Variants in AFMID observed in about 807,000 individuals in gnomAD.
AFMID encodes the protein arylformamidase.
AFMID carries 39 observed loss-of-function variants against 47.5 expected under a neutral mutation model. The ratio of observed to expected loss-of-function variants is 0.82; its 90% confidence interval spans 0.64 to 1.07. The LOEUF (loss-of-function observed/expected upper bound fraction) is 1.07. AFMID is among the 50% of genes least tolerant of loss of function. The pLI is 0.00. For missense variants in AFMID, 375 were observed against 387.5 expected, an observed-to-expected ratio of 0.97 and a Z score of 0.27; for synonymous variants, 130 against 153.2, an observed-to-expected ratio of 0.85 and a Z score of 1.12.
chr17:78,198,104 C>T (rs2076157066), intron 2 of AFMID, among the ~76,000 whole-genome samples: 1 of 152,050 alleles, frequency 6.6e-6, no homozygotes, highest in South Asian at 2.1e-4. Context: ...TGGCACACGC[C>T]TATAGTCTTA....
chr17:78,192,495 G>A (rs1355133275), intron 2 of AFMID: 2 of 370,682 alleles, frequency 5.4e-6, no homozygotes, highest in Non-Finnish European at 5.4e-6. Flanking sequence ...TGTATTTTTA[G>A]TAGAGATGGG....
intron 2 of AFMID, among the ~76,000 whole-genome samples, chr17:78,201,752 T>A (rs910561749): frequency 2.0e-5 from 3 of 151,684 alleles, no homozygotes; most frequent in Non-Finnish European, 4.4e-5. Flanking sequence ...TTTTTTTGAG[T>A]TGGCGTCTCG....
In AFMID at chr17:78,190,910, G is replaced by A. The variant is rs1441598946; in HGVS notation, c.64-60G>A. The stretch of plus-strand genomic sequence containing the variant: ...AGGAGCAGCCGGGCATGGGCGAGGG[G>A]GAGGGGCACACTCTGTTGAGAAGGA... On this transcript the variant is annotated intron_variant, in intron 1 of 10. Coordinates refer to ENST00000409257, the MANE Select transcript of AFMID (RefSeq NM_001010982.5). 6 of 1,505,314 alleles carry A rather than the reference G, an allele frequency of 4.0e-6. No homozygotes were observed. In the East Asian group the frequency reaches 1.4e-4, roughly 35 times the overall value. 93.2% of individuals were successfully genotyped at this position (1,505,314 alleles called of 1,614,324 possible). A position where few individuals can be genotyped will look rare whatever the true frequency, so the allele number is the denominator to read the frequency against.
At chr17:78,191,165 G>A (rs759771665) in intron 2 of AFMID, 105 bp downstream of exon 2, 31 of 965,362 alleles carry the variant, frequency 3.2e-5, no homozygotes, top group East Asian at 1.1e-4. Flanking sequence ...CCTGGGCCTC[G>A]AGGGGCATTT....
rs907439019 is a variant in AFMID, at chr17:78,187,556, A to G, written c.63+123A>G. The stretch of plus-strand genomic sequence containing the variant: ...ACTCCTGTGGGCATGCAGAGCGCCT[A>G]GTGCGTGCCAGGTCCCCAGTGCTTG... On this transcript the variant is annotated intron_variant, in intron 1 of 10. Transcript: ENST00000409257. 2.2e-5 allele frequency: 22 copies of G among 979,314 alleles called. No individual in the cohort carries two copies. In the African/African-American group the frequency reaches 3.4e-4, roughly 15 times the overall value. 60.7% of individuals were successfully genotyped at this position (979,314 alleles called of 1,614,324 possible).
In AFMID at chr17:78,207,646, A is replaced by C. The variant is rs2076416237; in HGVS notation, c.*709A>C. The stretch of plus-strand genomic sequence containing the variant: ...AAAGAATATTATTTCATAACATGTA[A>C]AAATTATATAAAACGTAAATTTCCA... On this transcript the variant is annotated 3_prime_UTR_variant, in exon 11 of 11. Transcript: ENST00000409257. 1 of 152,250 alleles carries C rather than the reference A, an allele frequency of 6.6e-6. No individual in the cohort carries two copies. Among genetic ancestry groups the C allele is most frequent in the Admixed American group, 6.5e-5 (1 of 15,276 alleles). 9.4% of individuals were successfully genotyped at this position (152,250 alleles called of 1,614,324 possible).
intron 2 of AFMID, among the ~76,000 whole-genome samples, chr17:78,198,777 C>A (rs2145864548): frequency 6.6e-6 from 1 of 152,176 alleles, no homozygotes; most frequent in South Asian, 2.1e-4. Flanking sequence ...CCAGTGGGCT[C>A]CAGCTTGGGC....
chr17:78,206,045 A>C lies in AFMID; in HGVS notation c.880A>C (p.Thr294Pro). 1.9e-6 allele frequency: 3 copies of C among 1,613,982 alleles called. No individual in the cohort carries two copies. The highest frequency in any genetic ancestry group is 1.7e-6 in the Non-Finnish European group (2 of 1,179,938). Residue 294 changes from threonine (T) to proline (P), a missense_variant, in exon 10 of 11, where the codon ACC (threonine) becomes CCC (proline). Physicochemically the swap from Thr to Pro is conservative, Grantham distance 38 (BLOSUM62 -1). Coordinates refer to ENST00000409257, the MANE Select transcript of AFMID (RefSeq NM_001010982.5). ...ENLTQKDNVL[T>P]QIILKTIFQ ...TCTGACCCAGAAGGACAACGTGCTC[A>C]CCCAGGTGGGGCCTCATCCCTGGCA...
At chr17:78,193,181 C>A (rs2076017582) in intron 2 of AFMID, among the ~76,000 whole-genome samples, 1 of 151,806 alleles carries the variant, frequency 6.6e-6, no homozygotes, top group Non-Finnish European at 1.5e-5. Flanking sequence ...ACCATCCTGG[C>A]TAACACGGTG....
chr17:78,192,665 G>C (rs1484806343), intron 2 of AFMID: 1 of 470,982 alleles, frequency 2.1e-6, no homozygotes, highest in East Asian at 7.0e-5. Flanking sequence ...CTGTAAACTA[G>C]TGAAGTCTTA....
intron 2 of AFMID, chr17:78,197,459 G>T (rs182683014): frequency 1.6e-4 from 71 of 433,296 alleles, no homozygotes; most frequent in Middle Eastern, 6.2e-4. Flanking sequence ...TTGGTGGCAG[G>T]TCTGCAGCCC....
At chr17:78,194,746 G>A (rs2076064486) in intron 2 of AFMID, among the ~76,000 whole-genome samples, 1 of 151,986 alleles carries the variant, frequency 6.6e-6, no homozygotes, top group South Asian at 2.1e-4. Flanking sequence ...CAGGCTTGGA[G>A]TGCAATGGCG....
rs767777026 is a variant in AFMID at position 78,205,439 on chromosome 17, G to A, written c.566-1G>A. On this transcript the variant is annotated splice_acceptor_variant, in intron 7 of 10. Coordinates refer to ENST00000409257, the MANE Select transcript of AFMID (RefSeq NM_001010982.5). LOFTEE classifies it high-confidence loss of function. The stretch of plus-strand genomic sequence containing the variant: ...CCTGTGACAATTCTGTACCTTCACA[G>A]GCTTTTTCCTGGTGAGTGGGGTCTT... 6.2e-7 allele frequency: 1 copy of A among 1,614,212 alleles called. No homozygotes were observed. Among genetic ancestry groups the A allele is most frequent in the South Asian group, 1.1e-5 (1 of 91,088 alleles).
At chr17:78,187,503 A>G (rs1214429993) in intron 1 of AFMID, 70 bp downstream of exon 1, 1 of 1,588,860 alleles carries the variant, frequency 6.3e-7, no homozygotes, top group African/African-American at 1.3e-5. Flanking sequence ...TGGAATTCCA[A>G]GAAGGAAGCT....
chr17:78,206,304 A>G (rs145177194), intron 10 of AFMID, among the ~76,000 whole-genome samples: 1 of 139,994 alleles, frequency 7.1e-6, no homozygotes, highest in Non-Finnish European at 1.5e-5. Context: ...GCACCACTGC[A>G]CTCCGGCCTG....
intron 1 of AFMID, chr17:78,190,714 G>A (rs539443292): frequency 9.2e-6 from 4 of 433,288 alleles, no homozygotes; most frequent in Non-Finnish European, 1.7e-5. Flanking sequence ...CGTAACTGCT[G>A]TGGGAGTGGT....
chr17:78,197,826 G>A (rs8072874), intron 2 of AFMID, among the ~76,000 whole-genome samples: 4,988 of 152,134 alleles, frequency 0.033, 116 homozygotes, highest in African/African-American at 0.051. Flanking sequence ...ATCAGATGTG[G>A]TTTGAGAAAG....
intron 2 of AFMID, among the ~76,000 whole-genome samples, chr17:78,192,260 C>T (rs2075990636): frequency 6.7e-6 from 1 of 150,250 alleles, no homozygotes; most frequent in East Asian, 2.0e-4. Flanking sequence ...ATTCGCCCTC[C>T]TCGGCCTCCC....
At position 78,189,348 on chromosome 17, in the gene AFMID, G is replaced by A. The variant is rs545622307; in HGVS notation, c.64-1622G>A. On this transcript the variant is annotated intron_variant, in intron 1 of 10. Transcript: ENST00000409257. ...AGCGATTCTCCTGCCTCAGCCTCCCGAGTAGCTGAGATTACGGGCGCCCGC... is the reference window on the plus strand; with the variant it reads ...AGCGATTCTCCTGCCTCAGCCTCCCAAGTAGCTGAGATTACGGGCGCCCGC... 8.7e-5 allele frequency among the ~76,000 whole-genome samples: 13 copies of A among 149,122 alleles called. No individual in the cohort carries two copies. The East Asian group carries it at 2.0e-3, about 23-fold the overall frequency.
Sources: gnomAD v4.1 joint callset for allele counts (sites outside exome capture counted in the v4.1 genomes callset) on GRCh38, gnomAD v4.1.1 for gene constraint, MANE v1.5 for transcripts, NCBI Gene and HGNC (gene_info 2026-07-23, HGNC 2026-07-21) for gene names.